The following CDH13 variants were observed in gnomAD, a reference collection of about 807,000 sequenced individuals.
The protein encoded by CDH13 is cadherin 13.
CDH13 carries 24 observed loss-of-function variants against 63.8 expected under a neutral mutation model. That is an observed-to-expected ratio of 0.38 (90% CI 0.27 to 0.53). The LOEUF (loss-of-function observed/expected upper bound fraction) is 0.53, where lower values mean the gene tolerates loss of function less well. Ranked by LOEUF, CDH13 falls within the 20% of genes least tolerant of loss-of-function variation. CDH13 has a pLI of 0.85. For synonymous variants in CDH13, 503 were observed against 355.3 expected, an observed-to-expected ratio of 1.42 and a Z score of -4.67; for missense variants, 1,049 against 903.1, an observed-to-expected ratio of 1.16 and a Z score of -2.07.
chr16:83,047,790 G>A lies in CDH13; in HGVS notation c.366+15572G>A, dbSNP rs879844049. Among the ~76,000 whole-genome samples, 17 of 152,026 alleles carry A rather than the reference G, an allele frequency of 1.1e-4. No homozygotes were observed. Among genetic ancestry groups the A allele is most frequent in the East Asian group, 3.9e-4 (2 of 5,194 alleles). On this transcript the variant is annotated intron_variant, in intron 3 of 13. Transcript: ENST00000567109. The surrounding 1 kb of genome is among the most constrained non-coding windows in gnomAD (Gnocchi z 4.9). ...AATTTATTTAGCTCAAACGTTGTGC[G>A]GGGCACCACTTTAAGTGCATTTCTT...
chr16:82,627,310 C>A (rs1907407152), intron 1 of CDH13, among the ~76,000 whole-genome samples, 173 bp downstream of exon 1: 2 of 148,568 alleles, frequency 1.3e-5, no homozygotes, highest in South Asian at 2.1e-4. Context: ...TAGGCACCCC[C>A]CACACACAGG....
intron 10 of CDH13, among the ~76,000 whole-genome samples, chr16:83,702,495 G>C (rs1906393541): frequency 6.6e-6 from 1 of 151,850 alleles, no homozygotes; most frequent in African/African-American, 2.4e-5. Context: ...GTCTTGCAGG[G>C]GGTTTGCAGC....
chr16:83,619,647 C>T (rs777148776), intron 8 of CDH13, among the ~76,000 whole-genome samples: 18 of 151,722 alleles, frequency 1.2e-4, no homozygotes, highest in Non-Finnish European at 1.5e-4. Flanking sequence ...CCAGTTCCTG[C>T]CTCCATCTAC....
At chr16:83,001,684 TTCTGTGTGACCA>T (rs1164166167) in intron 2 of CDH13, among the ~76,000 whole-genome samples, 1 of 152,192 alleles carries the variant, frequency 6.6e-6, no homozygotes. Flanking sequence ...TCAGAAGGGG[TTCTGTGTGACCA>T]TTTACACCTA....
At chr16:83,198,347 A>G (rs1184731213) in intron 4 of CDH13, among the ~76,000 whole-genome samples, 1 of 152,104 alleles carries the variant, frequency 6.6e-6, no homozygotes, top group East Asian at 1.9e-4. Flanking sequence ...ACACACACAC[A>G]CACACAATCA....
intron 3 of CDH13, among the ~76,000 whole-genome samples, chr16:83,115,947 C>G (rs2035274037): frequency 1.3e-5 from 2 of 152,236 alleles, no homozygotes; most frequent in African/African-American, 2.4e-5. Flanking sequence ...AGGAGATCCT[C>G]CAACAGGTGG....
At chr16:82,656,902 T>C (rs890617257) in intron 1 of CDH13, among the ~76,000 whole-genome samples, 1 of 151,126 alleles carries the variant, frequency 6.6e-6, no homozygotes, top group African/African-American at 2.4e-5. Context: ...CCATGTTTTC[T>C]TATGGTTTGG....
intron 3 of CDH13, among the ~76,000 whole-genome samples, chr16:83,038,411 A>G (rs1917052434): frequency 6.6e-6 from 1 of 152,154 alleles, no homozygotes; most frequent in Non-Finnish European, 1.5e-5. Flanking sequence ...ATCACCTTAG[A>G]TCTGAGTAGG....
At chr16:82,817,204 C>G (rs2037762176) in intron 1 of CDH13, among the ~76,000 whole-genome samples, 1 of 152,102 alleles carries the variant, frequency 6.6e-6, no homozygotes, top group African/African-American at 2.4e-5. Context: ...CTTTTTCTGA[C>G]CATGTCTCTG....
At chr16:82,846,398 G>T (rs944157483) in intron 1 of CDH13, among the ~76,000 whole-genome samples, 1 of 151,890 alleles carries the variant, frequency 6.6e-6, no homozygotes, top group African/African-American at 2.4e-5. Flanking sequence ...ATAATAACTA[G>T]CACATAACAC....
intron 5 of CDH13, among the ~76,000 whole-genome samples, chr16:83,300,212 ACTGAC>A (rs1467267187): frequency 6.6e-6 from 1 of 152,230 alleles, no homozygotes; most frequent in East Asian, 1.9e-4. Flanking sequence ...AACCTCAGCA[ACTGAC>A]CAGAAAAGGT....
At chr16:83,301,596 G>A (rs1010793518) in intron 5 of CDH13, among the ~76,000 whole-genome samples, 30 of 152,252 alleles carry the variant, frequency 2.0e-4, no homozygotes, top group African/African-American at 7.0e-4. Flanking sequence ...TATCTTCTCG[G>A]ATGTAAGAGA....
At chr16:82,931,081 A>G (rs1256037139) in intron 2 of CDH13, among the ~76,000 whole-genome samples, 1 of 152,160 alleles carries the variant, frequency 6.6e-6, no homozygotes, top group African/African-American at 2.4e-5. Context: ...CTTTCAAAAG[A>G]TCCCTTAGGG....
chr16:82,840,054 T>C (rs2038940736), intron 1 of CDH13, among the ~76,000 whole-genome samples: 1 of 152,222 alleles, frequency 6.6e-6, no homozygotes, highest in South Asian at 2.1e-4. Flanking sequence ...TCAGCTCAGA[T>C]GATTTTTTCC....
chr16:83,771,933 C>A (rs957258857), intron 11 of CDH13, among the ~76,000 whole-genome samples: 1 of 152,116 alleles, frequency 6.6e-6, no homozygotes, highest in African/African-American at 2.4e-5. Context: ...ACCTTGTAAC[C>A]AAAACACATG....
chr16:82,722,498 C>G (rs2032837988), intron 1 of CDH13, among the ~76,000 whole-genome samples: 1 of 152,150 alleles, frequency 6.6e-6, no homozygotes, highest in Non-Finnish European at 1.5e-5. Context: ...GAACACGGTA[C>G]AGGTACTGTG....
chr16:82,891,941 ATTG>A lies in CDH13; in HGVS notation c.157+33475_157+33477del, dbSNP rs935814055. 1.7e-4 allele frequency among the ~76,000 whole-genome samples: 26 copies of A among 152,190 alleles called. No homozygotes were observed. In the East Asian group the frequency reaches 4.5e-3, roughly 26 times the overall value. On this transcript the variant is annotated intron_variant, in intron 2 of 13. Coordinates refer to ENST00000567109, the MANE Select transcript of CDH13 (RefSeq NM_001257.5). ...ATGAGGAAATTACAGCTCTGAGACAATTGTTGTTGGTCAGTATCCTTTTGATCC... is the reference window on the plus strand; with the variant it reads ...ATGAGGAAATTACAGCTCTGAGACAATTGTTGGTCAGTATCCTTTTGATCC...
chr16:83,171,501 T>C, intron 4 of CDH13: 5 of 1,529,546 alleles, frequency 3.3e-6, no homozygotes, highest in Non-Finnish European at 4.4e-6. Context: ...AGACTGCCCA[T>C]AAATAATCTT....
At chr16:83,583,627 G>C (rs1018126523) in intron 7 of CDH13, among the ~76,000 whole-genome samples, 3 of 152,252 alleles carry the variant, frequency 2.0e-5, no homozygotes, top group African/African-American at 4.8e-5. Context: ...GCATCAAAGA[G>C]TGTGATTTGG....
Sources: allele counts gnomAD v4.1 joint callset (sites outside exome capture counted in the v4.1 genomes callset), GRCh38; gene constraint gnomAD v4.1.1; non-coding constraint Gnocchi (gnomAD v3.1); transcripts MANE v1.5; gene names NCBI Gene and HGNC (gene_info 2026-07-23, HGNC 2026-07-21).